Variants in PPP1R37 observed in about 807,000 individuals in gnomAD.
PPP1R37 encodes the protein protein phosphatase 1 regulatory subunit 37.
In PPP1R37, 21 loss-of-function variants were observed where a neutral mutation model predicts 61.0. That is an observed-to-expected ratio of 0.34 (90% CI 0.24 to 0.50). The LOEUF (loss-of-function observed/expected upper bound fraction) is 0.50. Among genes scored for constraint, PPP1R37 ranks in the 20% least tolerant of loss-of-function variants. The pLI, the probability that PPP1R37 is intolerant of heterozygous loss-of-function variation, is 0.98. For synonymous variants in PPP1R37, 443 were observed against 433.5 expected, an observed-to-expected ratio of 1.02 and a Z score of -0.27; for missense variants, 910 against 952.7, an observed-to-expected ratio of 0.96 and a Z score of 0.59.
rs537180485 is a variant in PPP1R37 at position 45,136,704 on chromosome 19, G to GGGGAGGC, written c.203-1809_203-1803dup. 4.1e-3 allele frequency among the ~76,000 whole-genome samples: 620 copies of GGGGAGGC among 152,216 alleles called. 4 individuals carry two copies. Among genetic ancestry groups the GGGGAGGC allele is most frequent in the African/African-American group, 0.014 (595 of 41,550 alleles). On this transcript the variant is annotated intron_variant, in intron 1 of 12. Transcript: ENST00000221462. ...CAGGCAGGGACCAGGCCTGACCTCT[G>GGGGAGGC]GGGAGGCTGGCGGCTGGCCTCTGTC... is the stretch of plus-strand genomic sequence containing the variant.
chr19:45,146,148 A>T (rs1968696734), intron 11 of PPP1R37, 99 bp downstream of exon 11: 1 of 1,318,118 alleles, frequency 7.6e-7, no homozygotes, highest in African/African-American at 1.5e-5. Context: ...CCCCCTCTTT[A>T]AAATGGTTCT....
chr19:45,094,173 A>C (rs963556016), intron 1 of PPP1R37, among the ~76,000 whole-genome samples: 1 of 152,158 alleles, frequency 6.6e-6, no homozygotes, highest in Non-Finnish European at 1.5e-5. Flanking sequence ...TTATTGAGAC[A>C]AGGTCTCACT....
intron 1 of PPP1R37, among the ~76,000 whole-genome samples, chr19:45,111,423 C>T (rs1172996525): frequency 6.6e-6 from 1 of 152,050 alleles, no homozygotes; most frequent in Non-Finnish European, 1.5e-5. Flanking sequence ...TACAAGTGCG[C>T]ACCACCACAC....
At chr19:45,126,307 G>T (rs916573242) in intron 1 of PPP1R37, among the ~76,000 whole-genome samples, 2 of 152,220 alleles carry the variant, frequency 1.3e-5, no homozygotes, top group Non-Finnish European at 2.9e-5. Context: ...AGGGACAGGG[G>T]CCCTTCCTGT....
chr19:45,135,285 C>T (rs1351499785), intron 1 of PPP1R37, among the ~76,000 whole-genome samples: 1 of 152,148 alleles, frequency 6.6e-6, no homozygotes, highest in South Asian at 2.1e-4. Context: ...TGCATGAGAC[C>T]GGCTGCCATT....
chr19:45,132,350 GGCTGGAGTACA>G (rs1232772884), intron 1 of PPP1R37, among the ~76,000 whole-genome samples: 6 of 152,138 alleles, frequency 3.9e-5, no homozygotes, highest in Admixed American at 3.3e-4. Context: ...CTATTGCCCA[GGCTGGAGTACA>G]GCGACACAAT....
At chr19:45,116,114 T>G (rs1046514366) in intron 1 of PPP1R37, among the ~76,000 whole-genome samples, 2 of 152,222 alleles carry the variant, frequency 1.3e-5, no homozygotes, top group African/African-American at 4.8e-5. Context: ...CTGCTGTGTG[T>G]GAGGCGCTGT....
At chr19:45,143,367 G>C (rs951340078) in intron 7 of PPP1R37, 154 bp from the exon 8 acceptor site, 1 of 570,762 alleles carries the variant, frequency 1.8e-6, no homozygotes, top group Non-Finnish European at 3.1e-6. Context: ...TGTGTGCCCA[G>C]GGGTGCCAGG....
Position 45,145,391 on chromosome 19 carries a change from C to T in PPP1R37, c.1335C>T (p.Ala445=), listed in dbSNP as rs773605941. Reference sequence around the variant, plus strand: ...TCGAGACGCAGAAGGCGCTGCTGGCCGAGATCCAGAACGGCTGCAAGCGCA... The same window carrying T: ...TCGAGACGCAGAAGGCGCTGCTGGCTGAGATCCAGAACGGCTGCAAGCGCA... ...SFIETQKALL[A]EIQNGCKRNL... is the part of the protein sequence containing the mutation. Residue 445 remains alanine, a synonymous_variant, in exon 11 of 13, where the codon GCC becomes GCT. Coordinates refer to ENST00000221462, the MANE Select transcript of PPP1R37 (RefSeq NM_019121.2). 6.3e-5 allele frequency: 96 copies of T among 1,535,238 alleles called. No individual in the cohort carries two copies. The highest frequency in any genetic ancestry group is 1.7e-4 in the Middle Eastern group (1 of 5,998).
intron 1 of PPP1R37, among the ~76,000 whole-genome samples, chr19:45,115,843 G>A (rs1202844716): frequency 2.0e-5 from 3 of 152,018 alleles, no homozygotes; most frequent in African/African-American, 2.4e-5. Context: ...GTGTGGTGGC[G>A]GGTGCCTATA....
intron 1 of PPP1R37, among the ~76,000 whole-genome samples, chr19:45,120,961 C>T (rs992294777): frequency 1.3e-5 from 2 of 152,158 alleles, no homozygotes. Flanking sequence ...GCCTTTGAGA[C>T]GGAACCATGT....
intron 1 of PPP1R37, chr19:45,136,866 A>G (rs10425074): frequency 0.26 from 38,876 of 152,250 alleles, 5,434 homozygotes; most frequent in African/African-American, 0.33. Context: ...TACTTTACCC[A>G]GACCTCAGCT....
Position 45,122,196 on chromosome 19 carries a change from C to T in PPP1R37, c.203-16318C>T, listed in dbSNP as rs550802743. On this transcript the variant is annotated intron_variant, in intron 1 of 12. Transcript: ENST00000221462. Reference sequence around the variant, plus strand: ...AGTGAAGGTGCGTAGAAGGCATTTGCCCCAGGCTGGCTCTGGGCTGAGCAC... The same window carrying T: ...AGTGAAGGTGCGTAGAAGGCATTTGTCCCAGGCTGGCTCTGGGCTGAGCAC... 5.3e-5 allele frequency among the ~76,000 whole-genome samples: 8 copies of T among 152,328 alleles called. 1 individual carries two copies. The highest frequency in any genetic ancestry group is 1.0e-4 in the Non-Finnish European group (7 of 68,016).
intron 3 of PPP1R37, 108 bp from the exon 4 acceptor site, chr19:45,140,398 G>A (rs2122753263): frequency 1.5e-6 from 2 of 1,290,762 alleles, no homozygotes; most frequent in Admixed American, 4.0e-5. Context: ...GCTCAGCCAG[G>A]GCAGGGGCTG....
intron 1 of PPP1R37, among the ~76,000 whole-genome samples, chr19:45,105,807 A>G (rs1052098667): frequency 6.6e-6 from 1 of 152,174 alleles, no homozygotes; most frequent in South Asian, 2.1e-4. Context: ...CCAGGGGGTC[A>G]GGCCCGGGGC....
At position 45,146,438 on chromosome 19, in the gene PPP1R37, A is replaced by G; in HGVS notation, c.2042A>G (p.Glu681Gly). ...AAGGAGCTCGAGGAGCTGCTTCTGG[A>G]AGCCAGTCAGGAATCCGGGCAGGAG... ...NEKELEELLL[E>G]ASQESGQETL The change falls in exon 12 of 13, where the codon GAA becomes GGA. Residue 681 changes from glutamate to glycine, a missense_variant. Physicochemically the swap from Glu to Gly is moderately conservative, Grantham distance 98. Around this residue, in one of 3 missense-constraint regions of PPP1R37, gnomAD observed 549 missense variants for 505.1 expected, o/e 1.09. Transcript: ENST00000221462. The G allele has an allele frequency of 6.5e-7, 1 of 1,535,862 alleles. No individual in the cohort carries two copies. Among genetic ancestry groups the G allele is most frequent in the Non-Finnish European group, 8.7e-7 (1 of 1,146,786 alleles).
chr19:45,141,239 C>T (rs890259205), intron 4 of PPP1R37, 83 bp from the exon 5 acceptor site: 39 of 1,434,480 alleles, frequency 2.7e-5, no homozygotes, highest in African/African-American at 7.2e-5. Flanking sequence ...CATCGTCTCT[C>T]GGTGGGGCCC....
At chr19:45,103,381 T>C (rs1968088352) in intron 1 of PPP1R37, among the ~76,000 whole-genome samples, 1 of 152,136 alleles carries the variant, frequency 6.6e-6, no homozygotes, top group Non-Finnish European at 1.5e-5. Flanking sequence ...GCTGGTTGGG[T>C]TCCAGCTGGG....
chr19:45,125,857 A>G (rs1968398033), intron 1 of PPP1R37, among the ~76,000 whole-genome samples: 1 of 152,226 alleles, frequency 6.6e-6, no homozygotes, highest in African/African-American at 2.4e-5. Context: ...TTCTGGCCTC[A>G]GACCTCTTCG....
Sources: gnomAD v4.1 joint callset for allele counts (sites outside exome capture counted in the v4.1 genomes callset) on GRCh38, gnomAD v4.1.1 for gene constraint, gnomAD v4.1.1 regional missense constraint, MANE v1.5 for transcripts, NCBI Gene and HGNC (gene_info 2026-07-23, HGNC 2026-07-21) for gene names.